The following AFF1 variants were observed in gnomAD, a reference collection of about 807,000 sequenced individuals.
AFF1 encodes ALF transcription elongation factor 1, also known as AF4/FMR2 family member 1.
In AFF1, 48 loss-of-function variants were observed where a neutral mutation model predicts 121.7. The ratio of observed to expected loss-of-function variants is 0.39; its 90% CI spans 0.31 to 0.50. The LOEUF is 0.50. Ranked by LOEUF, AFF1 falls within the 20% of genes least tolerant of loss-of-function variation. The pLI is 0.76. For synonymous variants in AFF1, 613 were observed against 563.0 expected (o/e 1.09, Z -1.26); for missense variants, 1,523 against 1,511.7 (o/e 1.01, Z -0.12).
intron 13 of AFF1, 122 bp from the exon 14 acceptor site, chr4:87,125,977 A>T: frequency 2.0e-6 from 2 of 1,003,014 alleles, no homozygotes; most frequent in Non-Finnish European, 3.0e-6. Context: ...TGGCCTGTTT[A>T]CACAGTTTCA....
chr4:87,128,170 T>C (rs898812804), intron 16 of AFF1, among the ~76,000 whole-genome samples: 2 of 152,212 alleles, frequency 1.3e-5, no homozygotes, highest in Non-Finnish European at 2.9e-5. Context: ...CCTGTTTACA[T>C]TCCAAAATTA....
intron 4 of AFF1, among the ~76,000 whole-genome samples, chr4:87,070,568 A>G (rs776302852): frequency 2.6e-5 from 4 of 152,258 alleles, no homozygotes; most frequent in Non-Finnish European, 5.9e-5. Context: ...AATATGATGT[A>G]TGTGTGCGTA....
intron 2 of AFF1, among the ~76,000 whole-genome samples, chr4:87,000,881 A>G (rs887910800): frequency 2.0e-5 from 3 of 152,330 alleles, no homozygotes. Context: ...TACCTCCTAC[A>G]AGAATGTTGA....
intron 2 of AFF1, among the ~76,000 whole-genome samples, chr4:86,971,808 T>C (rs1244542008): frequency 6.6e-6 from 1 of 152,172 alleles, no homozygotes; most frequent in East Asian, 1.9e-4. Context: ...AAAGCCTTCC[T>C]GAATGAGACA....
chr4:86,970,507 G>A (rs150587913), intron 2 of AFF1, among the ~76,000 whole-genome samples: 5 of 152,302 alleles, frequency 3.3e-5, no homozygotes, highest in African/African-American at 1.2e-4. Flanking sequence ...TGCATTCTAG[G>A]TATTGTTCTA....
At chr4:87,089,897 C>T in intron 5 of AFF1, 87 bp from the exon 6 acceptor site, 2 of 965,384 alleles carry the variant, frequency 2.1e-6, no homozygotes, top group East Asian at 5.1e-5. Flanking sequence ...ATGATCAATC[C>T]ATTCTACATT....
chr4:87,037,570 C>T (rs1729695048), intron 2 of AFF1, among the ~76,000 whole-genome samples: 1 of 152,114 alleles, frequency 6.6e-6, no homozygotes, highest in African/African-American at 2.4e-5. Flanking sequence ...GCCTCGGCCT[C>T]CCAAAGTGCT....
At chr4:87,016,507 G>C (rs773312368) in intron 2 of AFF1, among the ~76,000 whole-genome samples, 53 of 148,586 alleles carry the variant, frequency 3.6e-4, no homozygotes, top group Non-Finnish European at 6.8e-4. Context: ...AGCGGAGATT[G>C]CGCCACTGCA....
intron 2 of AFF1, among the ~76,000 whole-genome samples, chr4:87,000,291 C>T (rs1244530527): frequency 1.3e-5 from 2 of 152,142 alleles, no homozygotes; most frequent in African/African-American, 2.4e-5. Context: ...GAACATTCTA[C>T]GGGATAGCCA....
At position 87,022,583 on chromosome 4, in the gene AFF1, T is replaced by TA. The variant is rs1560547363; in HGVS notation, c.39-23583_39-23582insA. ...ATATATATATATATATATATATATA[T>TA]CTATCTATATCTATCTGTGTGTATA... On this transcript the variant is annotated intron_variant, in intron 2 of 20. Transcript: ENST00000395146. 3.0e-3 allele frequency among the ~76,000 whole-genome samples: 261 copies of TA among 87,854 alleles called. 7 individuals are homozygous for TA. The highest frequency in any genetic ancestry group is 9.7e-3 in the African/African-American group (180 of 18,502). The allele number at this position is 87,854 out of a possible 152,430, so 57.6% of individuals were successfully genotyped here.
chr4:87,120,644 G>A (rs905069215), intron 12 of AFF1, among the ~76,000 whole-genome samples: 2 of 152,318 alleles, frequency 1.3e-5, no homozygotes, highest in South Asian at 2.1e-4. Context: ...TGGCGCTGCC[G>A]GTGAATAAGG....
intron 8 of AFF1, among the ~76,000 whole-genome samples, chr4:87,105,420 AATT>A (rs2149745203): frequency 6.6e-6 from 1 of 152,310 alleles, no homozygotes; most frequent in African/African-American, 2.4e-5. Context: ...TCTGTGTTAT[AATT>A]GTATAATTAT....
chr4:87,003,258 T>A (rs934549575), intron 2 of AFF1, among the ~76,000 whole-genome samples: 1 of 152,182 alleles, frequency 6.6e-6, no homozygotes, highest in Non-Finnish European at 1.5e-5. Context: ...TATTAAAATT[T>A]TTTTTCCATT....
chr4:87,007,221 C>T (rs1250833489), intron 2 of AFF1: 1 of 1,450,950 alleles, frequency 6.9e-7, no homozygotes, highest in Non-Finnish European at 9.0e-7. Context: ...CGAGCCAATA[C>T]GGGCCGAGCC....
chr4:86,999,495 A>G lies in AFF1; in HGVS notation c.39-46671A>G, dbSNP rs549799656. 3.5e-4 allele frequency among the ~76,000 whole-genome samples: 54 copies of G among 152,312 alleles called. 1 individual carries two copies. The highest frequency in any genetic ancestry group is 1.3e-3 in the African/African-American group (54 of 41,568). On this transcript the variant is annotated intron_variant, in intron 2 of 20. Transcript: ENST00000395146. Reference sequence around the variant, plus strand: ...GGGAGGATCTTATTGTGTAGACACAATGAGAAAATGTTCTATTTTGGACAA... The same window carrying G: ...GGGAGGATCTTATTGTGTAGACACAGTGAGAAAATGTTCTATTTTGGACAA...
In AFF1 at chr4:87,047,372, G is replaced by A. The variant is rs2230858; in HGVS notation, c.837G>A (p.Gln279=). ...SLVAPAQPPS[Q]TFPPPSLPSK... is the part of the protein sequence containing the mutation. ...TGGCCCCTGCCCAGCCGCCTTCTCAGACATTTCCACCTCCCTCCCTCCCCT... is the reference window on the plus strand; with the variant it reads ...TGGCCCCTGCCCAGCCGCCTTCTCAAACATTTCCACCTCCCTCCCTCCCCT... Residue 279 remains glutamine, a synonymous_variant, in exon 4 of 21, where the codon CAG becomes CAA. Coordinates refer to ENST00000395146, the MANE Select transcript of AFF1 (RefSeq NM_001166693.3). 58,531 of 1,614,038 alleles carry A rather than the reference G, an allele frequency of 0.036. 1,764 individuals carry two copies. Among genetic ancestry groups the A allele is most frequent in the African/African-American group, 0.14 (10,436 of 74,962 alleles).
Position 86,996,449 on chromosome 4 carries a change from A to G in AFF1, c.38+47878A>G, listed in dbSNP as rs367903854. Among the ~76,000 whole-genome samples the G allele has an allele frequency of 1.8e-4, 27 of 151,908 alleles. 1 individual carries two copies. In the East Asian group the frequency reaches 4.5e-3, roughly 25 times the overall value. ...CCCCCAACCCTGTGCTCTCTGAAAC[A>G]TGTGCTGTATCCACTCAGGGTTGAA... is the stretch of plus-strand genomic sequence containing the variant. On this transcript the variant is annotated intron_variant, in intron 2 of 20. Transcript: ENST00000395146.
At chr4:87,130,987 T>C in intron 16 of AFF1, 96 bp from the exon 17 acceptor site, 1 of 1,496,068 alleles carries the variant, frequency 6.7e-7, no homozygotes, top group Non-Finnish European at 9.1e-7. Context: ...ATAATTAAAC[T>C]AAGACAGTGG....
intron 10 of AFF1, 38 bp downstream of exon 10, chr4:87,105,883 T>C: frequency 6.2e-7 from 1 of 1,609,218 alleles, no homozygotes; most frequent in Non-Finnish European, 8.5e-7. Flanking sequence ...ACAGAATGTT[T>C]GCAATTTTTT....
Sources: gnomAD v4.1 joint callset for allele counts (sites outside exome capture counted in the v4.1 genomes callset) on GRCh38, gnomAD v4.1.1 for gene constraint, MANE v1.5 for transcripts, NCBI Gene and HGNC (gene_info 2026-07-23, HGNC 2026-07-21) for gene names.